Variants in FAM227B observed in about 807,000 individuals in gnomAD.
FAM227B encodes the protein family with sequence similarity 227 member B.
In FAM227B, 88 loss-of-function variants were observed where a neutral mutation model predicts 73.8. The ratio of observed to expected loss-of-function variants is 1.19; its 90% CI spans 1.00 to 1.42. The LOEUF (loss-of-function observed/expected upper bound fraction) is 1.42, where lower values mean the gene tolerates loss of function less well. FAM227B is among the 40% of genes most tolerant of loss of function. The pLI is 0.00. For missense variants in FAM227B, 632 were observed against 590.9 expected, an observed-to-expected ratio of 1.07 and a Z score of -0.72; for synonymous variants, 210 against 190.5, an observed-to-expected ratio of 1.10 and a Z score of -0.84.
chr15:49,437,762 C>CAA (rs1022356712), intron 11 of FAM227B, among the ~76,000 whole-genome samples: 20 of 151,582 alleles, frequency 1.3e-4, no homozygotes, highest in African/African-American at 4.8e-4. Flanking sequence ...ATACACAATG[C>CAA]AAGCACCCAC....
At chr15:49,564,498 A>T (rs2074488127) in intron 9 of FAM227B, among the ~76,000 whole-genome samples, 1 of 152,228 alleles carries the variant, frequency 6.6e-6, no homozygotes, top group African/African-American at 2.4e-5. Context: ...GTGTTTACCC[A>T]AAGGAAAATA....
intron 11 of FAM227B, among the ~76,000 whole-genome samples, chr15:49,470,119 G>A (rs62012207): frequency 6.6e-6 from 1 of 152,000 alleles, no homozygotes; most frequent in African/African-American, 2.4e-5. Flanking sequence ...GAAGACCACG[G>A]TATTATGATC....
chr15:49,332,087 C>CCACACACACACACACA (rs377139081), intron 14 of FAM227B, among the ~76,000 whole-genome samples: 5 of 127,854 alleles, frequency 3.9e-5, no homozygotes, highest in African/African-American at 1.3e-4. Context: ...TGCACACGTG[C>CCACACACACACACACA]CACACACACA....
chr15:49,546,548 T>A (rs1208174548), intron 9 of FAM227B, among the ~76,000 whole-genome samples: 1 of 152,208 alleles, frequency 6.6e-6, no homozygotes, highest in Non-Finnish European at 1.5e-5. Context: ...ACTTCCACAA[T>A]GGTTGAACTA....
chr15:49,578,150 T>C (rs149066865), intron 5 of FAM227B, among the ~76,000 whole-genome samples: 1 of 152,204 alleles, frequency 6.6e-6, no homozygotes, highest in Non-Finnish European at 1.5e-5. Context: ...TGATCAGAGC[T>C]GTCCTGCATT....
chr15:49,485,234 T>TAC lies in FAM227B; in HGVS notation c.1012+22975_1012+22976dup, dbSNP rs60927272. The stretch of plus-strand genomic sequence containing the variant: ...GCAACAGTGATTGATGATAATACTG[T>TAC]ACTTCATCTTACTTGCCACAAAATA... On this transcript the variant is annotated intron_variant, in intron 11 of 15. Coordinates refer to ENST00000299338, the MANE Select transcript of FAM227B (RefSeq NM_152647.3). 1,471 of 152,502 alleles carry TAC rather than the reference T, an allele frequency of 9.6e-3. 24 individuals carry two copies. The highest frequency in any genetic ancestry group is 0.034 in the African/African-American group (1,413 of 41,526). The allele number at this position is 152,502 out of a possible 1,614,324, so 9.4% of individuals were successfully genotyped here.
chr15:49,527,340 C>T (rs2060278640), intron 10 of FAM227B, among the ~76,000 whole-genome samples: 2 of 151,558 alleles, frequency 1.3e-5, no homozygotes, highest in South Asian at 4.1e-4. Flanking sequence ...TCCAACATCC[C>T]TTCAGTCATC....
At chr15:49,422,120 T>TAGAGAGAGAGAGAG (rs3075167) in intron 11 of FAM227B, among the ~76,000 whole-genome samples, 2,242 of 134,258 alleles carry the variant, frequency 0.017, 39 homozygotes, top group African/African-American at 0.045. Flanking sequence ...GCATTTCACA[T>TAGAGAGAGAGAGAG]AGAGAGAGAG....
rs80038250 is a variant in FAM227B at position 49,346,144 on chromosome 15, T to C, written c.1272-10648A>G. Among the ~76,000 whole-genome samples, 5 of 152,040 alleles carry C rather than the reference T, an allele frequency of 3.3e-5. No homozygotes were observed. In the East Asian group the frequency reaches 9.7e-4, roughly 29 times the overall value. On this transcript the variant is annotated intron_variant, in intron 13 of 15. Transcript: ENST00000299338. ...CTGGCTGCTTGATAGATACCATCCATAGTTCACCAAAACAACACTTCCGTT... is the reference window on the plus strand; with the variant it reads ...CTGGCTGCTTGATAGATACCATCCACAGTTCACCAAAACAACACTTCCGTT...
At chr15:49,392,058 C>T (rs2047246672) in intron 11 of FAM227B, among the ~76,000 whole-genome samples, 2 of 152,126 alleles carry the variant, frequency 1.3e-5, no homozygotes, top group Admixed American at 1.3e-4. Flanking sequence ...GTAAAGAATA[C>T]AGCCTTTAAC....
At position 49,517,419 on chromosome 15, in the gene FAM227B, A is replaced by C. The variant is rs566825180; in HGVS notation, c.875-9071T>G. Among the ~76,000 whole-genome samples, 134 of 152,332 alleles carry C rather than the reference A, an allele frequency of 8.8e-4. 5 individuals are homozygous for C. The South Asian group carries it at 0.027, about 30-fold the overall frequency. On this transcript the variant is annotated intron_variant, in intron 10 of 15. Transcript: ENST00000299338. ...CAACAAAGAAATAAAAATATGTTTTATAAAATTCTTTCAACAAGTGCTTTT... is the reference window on the plus strand; with the variant it reads ...CAACAAAGAAATAAAAATATGTTTTCTAAAATTCTTTCAACAAGTGCTTTT...
chr15:49,508,372 A>G, intron 10 of FAM227B, 24 bp from the exon 11 acceptor site: 1 of 1,531,864 alleles, frequency 6.5e-7, no homozygotes, highest in Non-Finnish European at 8.7e-7. Flanking sequence ...ATACATATTT[A>G]GCCAAATAAA....
intron 2 of FAM227B, among the ~76,000 whole-genome samples, chr15:49,611,566 C>A (rs1168292317): frequency 2.0e-5 from 3 of 152,046 alleles, no homozygotes; most frequent in African/African-American, 7.2e-5. Flanking sequence ...TAAAAGAGTT[C>A]CAAGATATTT....
chr15:49,358,944 A>G (rs1596498292), intron 13 of FAM227B, among the ~76,000 whole-genome samples: 1 of 148,098 alleles, frequency 6.8e-6, no homozygotes, highest in Non-Finnish European at 1.5e-5. Flanking sequence ...CATATCTACA[A>G]CTATCTGATC....
At chr15:49,550,237 G>T (rs1221326121) in intron 9 of FAM227B, among the ~76,000 whole-genome samples, 1 of 148,692 alleles carries the variant, frequency 6.7e-6, no homozygotes, top group African/African-American at 2.5e-5. Context: ...CCCTGACGGG[G>T]CGGCTGGCCG....
At chr15:49,566,385 A>C (rs1234855096) in intron 9 of FAM227B, among the ~76,000 whole-genome samples, 1 of 152,222 alleles carries the variant, frequency 6.6e-6, no homozygotes, top group Non-Finnish European at 1.5e-5. Context: ...TTTTCTATGA[A>C]TATCCTGCCT....
chr15:49,592,708 C>G (rs575236239), intron 3 of FAM227B, among the ~76,000 whole-genome samples: 3 of 152,218 alleles, frequency 2.0e-5, no homozygotes, highest in African/African-American at 4.8e-5. Context: ...GGGAGAACCA[C>G]TGCTCTCTTC....
At chr15:49,395,235 C>A (rs1264350158) in intron 11 of FAM227B, among the ~76,000 whole-genome samples, 3 of 151,676 alleles carry the variant, frequency 2.0e-5, no homozygotes, top group African/African-American at 7.3e-5. Context: ...TTGTTTTCAA[C>A]TTTTCTAGGG....
At chr15:49,413,398 C>T (rs938012475) in intron 11 of FAM227B, among the ~76,000 whole-genome samples, 1 of 152,106 alleles carries the variant, frequency 6.6e-6, no homozygotes, top group Admixed American at 6.6e-5. Context: ...CCTCCCCAAC[C>T]ATGTGGAACT....
Sources: gnomAD v4.1 joint callset for allele counts (sites outside exome capture counted in the v4.1 genomes callset) on GRCh38, gnomAD v4.1.1 for gene constraint, MANE v1.5 for transcripts, NCBI Gene and HGNC (gene_info 2026-07-23, HGNC 2026-07-21) for gene names.